GRID1: variants seen among roughly 807,000 people sequenced by gnomAD.
GRID1 encodes the protein glutamate ionotropic receptor delta type subunit 1.
In GRID1, 28 loss-of-function variants were observed where a neutral mutation model predicts 98.0. That is an observed-to-expected ratio of 0.29 (90% confidence interval 0.21 to 0.39). The LOEUF is 0.39. Ranked by LOEUF, GRID1 falls within the 10% of genes least tolerant of loss-of-function variation. The pLI, the probability that GRID1 is intolerant of heterozygous loss-of-function variation, is 1.00. For synonymous variants in GRID1, 553 were observed against 538.5 expected (o/e 1.03, Z -0.37); for missense variants, 1,111 against 1,340.5 (o/e 0.83, Z 2.67).
rs1349202541 is a variant in GRID1 at position 86,365,655 on chromosome 10, G to A, written c.79+659C>T. On this transcript the variant is annotated intron_variant, in intron 1 of 15. Coordinates refer to ENST00000327946, the MANE Select transcript of GRID1 (RefSeq NM_017551.3). The surrounding 1 kb of genome is among the most constrained non-coding windows in gnomAD (Gnocchi z 4.8). ...TAGGACTGTCCAGGATGGGGATGCA[G>A]TCGCCACAACCAGATACACACGCAC... Among the ~76,000 whole-genome samples, 1 of 151,752 alleles carries A rather than the reference G, an allele frequency of 6.6e-6. No homozygotes were observed. Among genetic ancestry groups the A allele is most frequent in the African/African-American group, 2.4e-5 (1 of 41,278 alleles).
At chr10:85,743,108 C>CCA (rs1011190157) in intron 8 of GRID1, among the ~76,000 whole-genome samples, 2 of 125,206 alleles carry the variant, frequency 1.6e-5, no homozygotes, top group East Asian at 6.4e-4. Flanking sequence ...TTATGCAGCC[C>CCA]CCCCCCCCAC....
chr10:86,275,684 A>G (rs928239936), intron 2 of GRID1, among the ~76,000 whole-genome samples: 2 of 152,150 alleles, frequency 1.3e-5, no homozygotes, highest in African/African-American at 4.8e-5. Flanking sequence ...CAGACAGAAG[A>G]CAGTGAACTT....
At chr10:85,958,984 A>C (rs1434764198) in intron 4 of GRID1, among the ~76,000 whole-genome samples, 1 of 151,960 alleles carries the variant, frequency 6.6e-6, no homozygotes, top group Non-Finnish European at 1.5e-5. Flanking sequence ...AAAGAAAGAA[A>C]GAAAGAAAAA....
At chr10:85,957,151 C>T (rs1210945599) in intron 4 of GRID1, among the ~76,000 whole-genome samples, 3 of 152,116 alleles carry the variant, frequency 2.0e-5, no homozygotes, top group Non-Finnish European at 2.9e-5. Context: ...CCCACGAGGT[C>T]CCTCCCCCAA....
intron 8 of GRID1, among the ~76,000 whole-genome samples, chr10:85,839,338 A>G (rs970310241): frequency 1.3e-5 from 2 of 152,198 alleles, no homozygotes; most frequent in Non-Finnish European, 2.9e-5. Flanking sequence ...CAGAATAAAC[A>G]TCTTCTCATT....
chr10:85,874,862 T>C (rs1221400418), intron 5 of GRID1, among the ~76,000 whole-genome samples: 5 of 152,094 alleles, frequency 3.3e-5, no homozygotes, highest in Non-Finnish European at 7.4e-5. Context: ...TATTTTATTT[T>C]ATGTATTTAT....
At chr10:85,959,147 ATC>A (rs1842233163) in intron 4 of GRID1, among the ~76,000 whole-genome samples, 1 of 152,088 alleles carries the variant, frequency 6.6e-6, no homozygotes, top group Non-Finnish European at 1.5e-5. Flanking sequence ...CTGACTGCAC[ATC>A]TTGGGATTTG....
rs569522755 is a variant in GRID1, at chr10:86,077,303, C to T, written c.726+61516G>A. Among the ~76,000 whole-genome samples the T allele has an allele frequency of 9.2e-5, 14 of 152,344 alleles. No homozygotes were observed. In the South Asian group the frequency reaches 2.7e-3, roughly 29 times the overall value. On this transcript the variant is annotated intron_variant, in intron 4 of 15. Transcript: ENST00000327946. ...TCCAAATCACCTACAGAATAAGCCT[C>T]AACTCCTCAGGACAGTCTCCAAAGC... is the stretch of plus-strand genomic sequence containing the variant.
intron 4 of GRID1, among the ~76,000 whole-genome samples, chr10:85,969,243 T>G (rs1001042494): frequency 2.6e-5 from 4 of 152,156 alleles, no homozygotes; most frequent in African/African-American, 9.7e-5. Context: ...GATAATATTA[T>G]AGTTGGAGAC....
chr10:85,866,831 C>T (rs538034198), intron 6 of GRID1, among the ~76,000 whole-genome samples: 2 of 152,210 alleles, frequency 1.3e-5, no homozygotes, highest in South Asian at 2.1e-4. Context: ...GACTTGATTC[C>T]TCTTTTACTG....
chr10:86,172,583 A>G (rs1845509533), intron 3 of GRID1, among the ~76,000 whole-genome samples: 1 of 152,212 alleles, frequency 6.6e-6, no homozygotes, highest in Non-Finnish European at 1.5e-5. Flanking sequence ...AAAAAATAAT[A>G]TGACTATATT....
chr10:86,028,727 C>T (rs1470539344), intron 4 of GRID1, among the ~76,000 whole-genome samples: 1 of 152,056 alleles, frequency 6.6e-6, no homozygotes, highest in Non-Finnish European at 1.5e-5. Flanking sequence ...GAAAAGCCAC[C>T]TGGTAGGAGG....
intron 2 of GRID1, among the ~76,000 whole-genome samples, chr10:86,214,176 A>T (rs1368490595): frequency 6.6e-6 from 1 of 152,072 alleles, no homozygotes; most frequent in Non-Finnish European, 1.5e-5. Context: ...CTGGCCTTAA[A>T]ACAAAACGCA....
chr10:86,358,748 A>G (rs555383244), intron 2 of GRID1, among the ~76,000 whole-genome samples: 2 of 151,480 alleles, frequency 1.3e-5, no homozygotes, highest in Admixed American at 6.6e-5. Flanking sequence ...ACAGAGAGAG[A>G]CTCTGTCTCA....
At chr10:86,133,640 A>C (rs2131968288) in intron 4 of GRID1, among the ~76,000 whole-genome samples, 1 of 152,372 alleles carries the variant, frequency 6.6e-6, no homozygotes, top group East Asian at 1.9e-4. Context: ...ACACAAAAAC[A>C]GCTGACCCCA....
At chr10:86,116,810 C>G (rs1345596501) in intron 4 of GRID1, among the ~76,000 whole-genome samples, 1 of 152,130 alleles carries the variant, frequency 6.6e-6, no homozygotes, top group South Asian at 2.1e-4. Flanking sequence ...ATTCACCTGC[C>G]AGCCCAGAAT....
chr10:86,352,674 G>T (rs192039857), intron 2 of GRID1, among the ~76,000 whole-genome samples: 89 of 152,266 alleles, frequency 5.8e-4, no homozygotes, highest in African/African-American at 2.0e-3. Context: ...CATCACATTG[G>T]GGGTTAAGGG....
At position 86,060,461 on chromosome 10, in the gene GRID1, T is replaced by C. The variant is rs550485973; in HGVS notation, c.726+78358A>G. 3.3e-5 allele frequency among the ~76,000 whole-genome samples: 5 copies of C among 152,310 alleles called. 1 individual carries two copies. The South Asian group carries it at 1.0e-3, about 32-fold the overall frequency. On this transcript the variant is annotated intron_variant, in intron 4 of 15. Transcript: ENST00000327946. ...GCACCCAATGTGGGCACCCAGACTT[T>C]GGAGGGAGCATATCCCCAGTATATT...
At chr10:86,129,077 A>C (rs6585997) in intron 4 of GRID1, among the ~76,000 whole-genome samples, 64,564 of 152,028 alleles carry the variant, frequency 0.42, 16,777 homozygotes, top group African/African-American at 0.73. Context: ...CCTATATAAA[A>C]TGTCCTCAGA....
Sources: gnomAD v4.1 joint callset for allele counts (sites outside exome capture counted in the v4.1 genomes callset) on GRCh38, gnomAD v4.1.1 for gene constraint, Gnocchi (gnomAD v3.1) non-coding constraint, MANE v1.5 for transcripts, NCBI Gene and HGNC (gene_info 2026-07-23, HGNC 2026-07-21) for gene names.